The following HEATR4 variants were observed in gnomAD, a reference collection of about 807,000 sequenced individuals.
HEATR4 encodes the protein HEAT repeat containing 4, also known as HEAT repeat-containing protein 4.
A neutral mutation model predicts 108.8 loss-of-function variants in HEATR4; 95 were observed. The ratio of observed to expected loss-of-function variants is 0.87; its 90% CI spans 0.74 to 1.04. The LOEUF (loss-of-function observed/expected upper bound fraction) is 1.04, where lower values mean the gene tolerates loss of function less well. Among genes scored for constraint, HEATR4 ranks in the 50% least tolerant of loss-of-function variants. The pLI is 0.00. For missense variants in HEATR4, 1,152 were observed against 1,253.8 expected, an observed-to-expected ratio of 0.92 and a Z score of 1.23; for synonymous variants, 443 against 459.4, an observed-to-expected ratio of 0.96 and a Z score of 0.46.
the HEATR4 span, chr14:73,593,855 C>T: frequency 3.1e-6 from 5 of 1,613,728 alleles, no homozygotes; most frequent in Non-Finnish European, 4.2e-6. Flanking sequence ...GACAACATAT[C>T]CCTGGAGTAC....
At chr14:73,574,832 C>G in the HEATR4 span, 3 of 1,606,392 alleles carry the variant, frequency 1.9e-6, no homozygotes, top group Non-Finnish European at 2.6e-6. Context: ...CAACTAACTT[C>G]CAGGGTGGAC....
chr14:73,509,344 G>A lies in HEATR4; in HGVS notation c.1688C>T (p.Ala563Val), dbSNP rs754213415. Residue 563 changes from alanine (A) to valine (V), a missense_variant, in exon 8 of 18, where the codon GCC becomes GTC. Physicochemically the swap from Ala to Val is moderately conservative, Grantham distance 64. Transcript: ENST00000553558. ...AAGGGCAGTCTGCATGATGTTCCGG[G>A]CAAGGGGATTATGTGACTGTATGGC... ...QYAIQSHNPL[A>V]RNIMQTALLK... 1.9e-6 allele frequency: 3 copies of A among 1,614,098 alleles called. No homozygotes were observed. The highest frequency in any genetic ancestry group is 2.2e-5 in the South Asian group (2 of 91,074).
the HEATR4 span, among the ~76,000 whole-genome samples, chr14:73,574,101 C>T: frequency 6.6e-6 from 1 of 151,626 alleles, no homozygotes; most frequent in Non-Finnish European, 1.5e-5. Context: ...AAACTCCTGA[C>T]CTCAAGTGAT....
At chr14:73,527,225 T>TA (rs1174508215) in intron 2 of HEATR4, 2 of 152,040 alleles carry the variant, frequency 1.3e-5, no homozygotes, top group African/African-American at 4.8e-5. Flanking sequence ...AATAAATACC[T>TA]AACTCTTCAA....
chr14:73,506,717 C>G, intron 9 of HEATR4, 146 bp from the exon 10 acceptor site: 2 of 521,738 alleles, frequency 3.8e-6, no homozygotes, highest in South Asian at 5.6e-5. Context: ...TCACAGCCAA[C>G]TGACTCTGGG....
intron 9 of HEATR4, among the ~76,000 whole-genome samples, chr14:73,506,990 G>A (rs1429270896): frequency 2.6e-5 from 4 of 151,306 alleles, no homozygotes; most frequent in Admixed American, 1.3e-4. Flanking sequence ...TAGTAGAGGC[G>A]GGGTTTTACC....
In HEATR4 at chr14:73,522,728, G is replaced by A; in HGVS notation, c.425C>T (p.Ala142Val). 6.2e-7 allele frequency: 1 copy of A among 1,614,200 alleles called. No individual in the cohort carries two copies. Among genetic ancestry groups the A allele is most frequent in the Non-Finnish European group, 8.5e-7 (1 of 1,180,036 alleles). Residue 142 changes from alanine to valine, a missense_variant, in exon 3 of 18, where the codon GCC becomes GTC. Ala to Val is a moderately conservative substitution (Grantham distance 64, BLOSUM62 0). Coordinates refer to ENST00000553558, the MANE Select transcript of HEATR4 (RefSeq NM_001220484.1). ...TTTCTTCAGCTTCTTTTCGGGATTG[G>A]CAGAGCTTTCTGTCTTCACAGCCAG... ...TSLAVKTESSANPEKKLKKSK... is the reference protein window; with the variant it reads ...TSLAVKTESSVNPEKKLKKSK...
At chr14:73,592,106 C>G in the HEATR4 span, 1 of 1,509,202 alleles carries the variant, frequency 6.6e-7, no homozygotes, top group African/African-American at 1.5e-5. Flanking sequence ...TCCGGGCCCA[C>G]GCGCGCTACT....
intron 2 of HEATR4, among the ~76,000 whole-genome samples, chr14:73,525,954 A>T (rs370874516): frequency 8.1e-5 from 1 of 12,414 alleles, no homozygotes; most frequent in African/African-American, 1.6e-4. Context: ...CTCCTTATTT[A>T]AAAAAAAAAA....
At chr14:73,590,084 G>C in the HEATR4 span, among the ~76,000 whole-genome samples, 3 of 152,262 alleles carry the variant, frequency 2.0e-5, no homozygotes, top group East Asian at 3.9e-4. Flanking sequence ...TTCCCGCAAC[G>C]TAGAAAAGAA....
chr14:73,522,682 G>C lies in HEATR4; in HGVS notation c.471C>G (p.Val157=). Residue 157 remains valine (V), a synonymous_variant, in exon 3 of 18, where the codon GTC becomes GTG. Transcript: ENST00000553558. ...KLKKSKPAST[V]REAPRPLIHH... ...GGATGAGAGGGCGGGGTGCTTCCCGGACGGTGCTGGCTGGCTTTGATTTCT... is the reference window on the plus strand; with the variant it reads ...GGATGAGAGGGCGGGGTGCTTCCCGCACGGTGCTGGCTGGCTTTGATTTCT... The C allele has an allele frequency of 6.2e-7, 1 of 1,614,248 alleles. No homozygotes were observed.
At chr14:73,591,277 C>T in the HEATR4 span, among the ~76,000 whole-genome samples, 58 of 152,094 alleles carry the variant, frequency 3.8e-4, no homozygotes, top group African/African-American at 1.3e-3. Flanking sequence ...CCGGGCGCAG[C>T]GGCTCACGCC....
chr14:73,497,632 CT>C (rs796930642), intron 14 of HEATR4, among the ~76,000 whole-genome samples: 51 of 146,218 alleles, frequency 3.5e-4, no homozygotes, highest in Admixed American at 1.0e-3. Flanking sequence ...AAAACCCATC[CT>C]TTTTTTTTTT....
At chr14:73,502,790 G>T in intron 11 of HEATR4, 105 bp downstream of exon 11, 1 of 786,726 alleles carries the variant, frequency 1.3e-6, no homozygotes, top group Non-Finnish European at 2.2e-6. Flanking sequence ...CTCGTGATCC[G>T]CCCACCCCGT....
At chr14:73,570,895 CTCTA>C in the HEATR4 span, among the ~76,000 whole-genome samples, 2 of 104,534 alleles carry the variant, frequency 1.9e-5, no homozygotes, top group African/African-American at 3.8e-5. Flanking sequence ...ACAAGAGTGA[CTCTA>C]TCTTAAAAAA....
rs1384680401 is a variant in HEATR4 at position 73,528,402 on chromosome 14, A to AAC, written c.-73+1763_-73+1764insGT. On this transcript the variant is annotated intron_variant, in intron 2 of 17. Transcript: ENST00000553558. The stretch of plus-strand genomic sequence containing the variant: ...AGCGAAACTTCATCTCAAAAAAAAA[A>AAC]AAAAAAAAAAAACTTAAGGAATAGT... Among the ~76,000 whole-genome samples, 4 of 151,682 alleles carry AAC rather than the reference A, an allele frequency of 2.6e-5. No individual in the cohort carries two copies. The South Asian group carries it at 6.3e-4, about 24-fold the overall frequency.
intron 2 of HEATR4, among the ~76,000 whole-genome samples, chr14:73,523,905 T>A (rs1566842335): frequency 6.6e-6 from 1 of 152,182 alleles, no homozygotes; most frequent in Non-Finnish European, 1.5e-5. Flanking sequence ...GAGACTCTAA[T>A]TCCATTGCCC....
chr14:73,498,365 C>T (rs748547324), intron 13 of HEATR4, 21 bp from the exon 14 acceptor site: 7 of 1,563,244 alleles, frequency 4.5e-6, no homozygotes, highest in Non-Finnish European at 6.1e-6. Context: ...TAGAGGGCAG[C>T]ATGTCACTGA....
the HEATR4 span, among the ~76,000 whole-genome samples, chr14:73,588,202 C>G: frequency 6.6e-6 from 1 of 151,954 alleles, no homozygotes; most frequent in African/African-American, 2.4e-5. Context: ...GTTTCACCAT[C>G]TTGGCCAGGC....
Sources: gnomAD v4.1 joint callset for allele counts (sites outside exome capture counted in the v4.1 genomes callset) on GRCh38, gnomAD v4.1.1 for gene constraint, MANE v1.5 for transcripts, NCBI Gene and HGNC (gene_info 2026-07-23, HGNC 2026-07-21) for gene names.